Variants in LRP1B observed in about 807,000 individuals in gnomAD.
The protein encoded by LRP1B is LDL receptor related protein 1B.
A neutral mutation model predicts 556.6 loss-of-function variants in LRP1B; 217 were observed. The observed-to-expected ratio is 0.39, with a 90% CI of 0.35 to 0.44. The LOEUF (loss-of-function observed/expected upper bound fraction) is 0.44, where lower values mean the gene tolerates loss of function less well. LRP1B is among the 20% of genes least tolerant of loss of function. The probability of loss-of-function intolerance (pLI) is 1.00; values close to 1 mark genes in which losing one functional copy is unlikely to be tolerated. For missense variants in LRP1B, 5,053 were observed against 5,620.8 expected, an observed-to-expected ratio of 0.90 and a Z score of 3.23; for synonymous variants, 2,047 against 1,865.8, an observed-to-expected ratio of 1.10 and a Z score of -2.50.
chr2:141,070,464 C>T (rs1284539479), intron 7 of LRP1B, among the ~76,000 whole-genome samples: 1 of 151,792 alleles, frequency 6.6e-6, no homozygotes, highest in Non-Finnish European at 1.5e-5. Context: ...CAAGAGCAAA[C>T]ACATTCAAAA....
At chr2:141,250,049 A>G (rs891072998) in intron 4 of LRP1B, among the ~76,000 whole-genome samples, 3 of 152,156 alleles carry the variant, frequency 2.0e-5, no homozygotes, top group Non-Finnish European at 2.9e-5. Flanking sequence ...TGAAGAGGGG[A>G]GCAAAAGATA....
In LRP1B at chr2:140,512,327, T is replaced by C. The variant is rs151237637; in HGVS notation, c.8270-2271A>G. ...GTGTTAAGAACATGCCAAAACATCA[T>C]AGTCAATTGGGAAGAAAATGGGCCA... is the stretch of plus-strand genomic sequence containing the variant. On this transcript the variant is annotated intron_variant, in intron 51 of 90. Transcript: ENST00000389484. Among the ~76,000 whole-genome samples, 262 of 152,246 alleles carry C rather than the reference T, an allele frequency of 1.7e-3. 3 individuals carry two copies. Among genetic ancestry groups the C allele is most frequent in the Admixed American group, 3.9e-3 (60 of 15,288 alleles).
At chr2:141,927,714 C>T (rs556565130) in intron 1 of LRP1B, among the ~76,000 whole-genome samples, 14 of 152,054 alleles carry the variant, frequency 9.2e-5, no homozygotes, top group African/African-American at 3.1e-4. Context: ...CCTGCTGATG[C>T]CATTGATGAG....
intron 7 of LRP1B, among the ~76,000 whole-genome samples, chr2:141,170,427 T>G (rs1023415202): frequency 1.3e-5 from 2 of 152,058 alleles, no homozygotes; most frequent in African/African-American, 4.8e-5. Flanking sequence ...ACTTCAGTAG[T>G]GAGAAAAAGT....
chr2:140,382,826 T>C (rs554538632), intron 67 of LRP1B, among the ~76,000 whole-genome samples: 1 of 152,314 alleles, frequency 6.6e-6, no homozygotes, highest in African/African-American at 2.4e-5. Flanking sequence ...ACTACAGTTA[T>C]GTGTTACATA....
intron 2 of LRP1B, among the ~76,000 whole-genome samples, chr2:141,662,314 C>T (rs899626934): frequency 1.3e-5 from 2 of 152,134 alleles, no homozygotes; most frequent in South Asian, 4.1e-4. Flanking sequence ...ATGACAGGAT[C>T]AAATTACACA....
chr2:141,864,348 T>A (rs2105791189), intron 1 of LRP1B, among the ~76,000 whole-genome samples: 1 of 152,308 alleles, frequency 6.6e-6, no homozygotes, highest in African/African-American at 2.4e-5. Context: ...TTGTTTATTA[T>A]AAAATACTTC....
At position 141,070,028 on chromosome 2, in the gene LRP1B, C is replaced by T. The variant is rs373381871; in HGVS notation, c.1014-7755G>A. 6.8e-5 allele frequency among the ~76,000 whole-genome samples: 10 copies of T among 146,528 alleles called. No individual in the cohort carries two copies. In the South Asian group the frequency reaches 1.1e-3, roughly 16 times the overall value. On this transcript the variant is annotated intron_variant, in intron 7 of 90. Coordinates refer to ENST00000389484, the MANE Select transcript of LRP1B (RefSeq NM_018557.3). Reference sequence around the variant, plus strand: ...TCCATGTGTTCGCATTGTTCAATTCCCACCTATGAGTGAGAATATGCGGTG... The same window carrying T: ...TCCATGTGTTCGCATTGTTCAATTCTCACCTATGAGTGAGAATATGCGGTG...
intron 2 of LRP1B, among the ~76,000 whole-genome samples, chr2:141,666,663 A>C (rs2105404891): frequency 6.6e-6 from 1 of 152,316 alleles, no homozygotes; most frequent in South Asian, 2.1e-4. Context: ...TCTGTAACCC[A>C]ACCAGATCCT....
At position 140,506,785 on chromosome 2, in the gene LRP1B, G is replaced by A. The variant is rs1243611511; in HGVS notation, c.8521+11C>T. 1.2e-6 allele frequency: 2 copies of A among 1,603,624 alleles called. No homozygotes were observed. The highest frequency in any genetic ancestry group is 1.7e-6 in the Non-Finnish European group (2 of 1,176,370). On this transcript the variant is annotated intron_variant, in intron 53 of 90. Coordinates refer to ENST00000389484, the MANE Select transcript of LRP1B (RefSeq NM_018557.3). Reference sequence around the variant, plus strand: ...TAGGAATCTCCTTCATGAAGTTTTAGATGTACTTACCACACTGCGGTGACT... The same window carrying A: ...TAGGAATCTCCTTCATGAAGTTTTAAATGTACTTACCACACTGCGGTGACT...
rs543371578 is a variant in LRP1B at position 140,282,857 on chromosome 2, C to T, written c.12968-8259G>A. Among the ~76,000 whole-genome samples the T allele has an allele frequency of 3.2e-4, 49 of 151,886 alleles. 1 individual carries two copies. The highest frequency in any genetic ancestry group is 6.6e-4 in the Admixed American group (10 of 15,196). ...TCTCACACTTGTAGAAAACACCCAACCATCAAGGTGATCTATTCATTATCA... is the reference window on the plus strand; with the variant it reads ...TCTCACACTTGTAGAAAACACCCAATCATCAAGGTGATCTATTCATTATCA... On this transcript the variant is annotated intron_variant, in intron 84 of 90. Coordinates refer to ENST00000389484, the MANE Select transcript of LRP1B (RefSeq NM_018557.3).
At chr2:141,212,859 G>A (rs1460619090) in intron 6 of LRP1B, among the ~76,000 whole-genome samples, 3 of 152,122 alleles carry the variant, frequency 2.0e-5, no homozygotes, top group African/African-American at 7.2e-5. Flanking sequence ...GACGTATAAT[G>A]AAACCATTTT....
intron 2 of LRP1B, among the ~76,000 whole-genome samples, chr2:141,551,530 CA>C (rs1685750372): frequency 6.6e-6 from 1 of 151,982 alleles, no homozygotes; most frequent in Non-Finnish European, 1.5e-5. Context: ...AGCCCCCAAT[CA>C]GCAAAATTAA....
intron 3 of LRP1B, among the ~76,000 whole-genome samples, chr2:141,269,511 T>C (rs1685009408): frequency 6.6e-6 from 1 of 152,134 alleles, no homozygotes; most frequent in African/African-American, 2.4e-5. Flanking sequence ...AAGAGAATCA[T>C]GTTAAGCCCA....
chr2:141,152,925 T>A (rs777924325), intron 7 of LRP1B, among the ~76,000 whole-genome samples: 24 of 151,142 alleles, frequency 1.6e-4, no homozygotes, highest in Non-Finnish European at 2.7e-4. Context: ...CTTTGTAGAA[T>A]CTAAAACTCA....
intron 3 of LRP1B, among the ~76,000 whole-genome samples, chr2:141,284,261 A>G (rs1685620462): frequency 6.6e-6 from 1 of 152,230 alleles, no homozygotes; most frequent in Non-Finnish European, 1.5e-5. Flanking sequence ...AAAGGAATAA[A>G]TGAAGCAATA....
chr2:141,097,838 T>C (rs1025898116), intron 7 of LRP1B, among the ~76,000 whole-genome samples: 6 of 152,186 alleles, frequency 3.9e-5, no homozygotes, highest in Non-Finnish European at 8.8e-5. Flanking sequence ...AGATAAAATG[T>C]ATTATATGAG....
chr2:141,452,832 T>G (rs1217719156), intron 3 of LRP1B, among the ~76,000 whole-genome samples: 1 of 152,208 alleles, frequency 6.6e-6, no homozygotes, highest in Non-Finnish European at 1.5e-5. Context: ...CTTACCCCTC[T>G]TGTACCTCCT....
intron 1 of LRP1B, among the ~76,000 whole-genome samples, chr2:141,926,329 AC>A (rs1700333388): frequency 6.6e-6 from 1 of 152,224 alleles, no homozygotes; most frequent in African/African-American, 2.4e-5. Flanking sequence ...CTTGTGACTT[AC>A]GGAGTAAATG....
Sources: gnomAD v4.1 joint callset for allele counts (sites outside exome capture counted in the v4.1 genomes callset) on GRCh38, gnomAD v4.1.1 for gene constraint, MANE v1.5 for transcripts, NCBI Gene and HGNC (gene_info 2026-07-23, HGNC 2026-07-21) for gene names.